DLGAP1: variants seen among roughly 807,000 people sequenced by gnomAD.
The protein encoded by DLGAP1 is DLG associated protein 1.
Under a neutral mutation model 90.8 loss-of-function variants are expected in DLGAP1, and 11 were observed. That is an observed-to-expected ratio of 0.12 (90% CI 0.08 to 0.20). DLGAP1 has a LOEUF of 0.20. DLGAP1 is among the 10% of genes least tolerant of loss of function. The pLI is 1.00. For missense variants in DLGAP1, 1,050 were observed against 1,333.8 expected, an observed-to-expected ratio of 0.79 and a Z score of 3.31; for synonymous variants, 558 against 540.7, an observed-to-expected ratio of 1.03 and a Z score of -0.44.
At chr18:3,965,463 TA>T (rs2073303319) in intron 3 of DLGAP1, among the ~76,000 whole-genome samples, 1 of 152,208 alleles carries the variant, frequency 6.6e-6, no homozygotes, top group South Asian at 2.1e-4. Flanking sequence ...AGAACAGATT[TA>T]AATGTATGAA....
chr18:3,512,056 C>T (rs2050575645), intron 10 of DLGAP1, among the ~76,000 whole-genome samples: 1 of 120,976 alleles, frequency 8.3e-6, no homozygotes, highest in Non-Finnish European at 1.8e-5. Context: ...CTTTCACATT[C>T]TGGTCATGCT....
chr18:4,217,099 C>T (rs1002692345), intron 1 of DLGAP1, among the ~76,000 whole-genome samples: 1 of 152,012 alleles, frequency 6.6e-6, no homozygotes, highest in Non-Finnish European at 1.5e-5. Flanking sequence ...GTATTTTCAC[C>T]TATACCAGAA....
intron 7 of DLGAP1, among the ~76,000 whole-genome samples, chr18:3,670,307 G>T (rs1315344836): frequency 6.8e-6 from 1 of 147,520 alleles, no homozygotes; most frequent in Admixed American, 6.6e-5. Context: ...TGGGAGACTG[G>T]AAACATATAT....
rs2049976830 is a variant in DLGAP1 at position 3,502,222 on chromosome 18, A to ATGGT, written c.2724+267_2724+270dup. 4 of 1,317,834 alleles carry ATGGT rather than the reference A, an allele frequency of 3.0e-6. No individual in the cohort carries two copies. In the South Asian group the frequency reaches 9.2e-5, roughly 30 times the overall value. The allele number at this position is 1,317,834 out of a possible 1,614,324, so 81.6% of individuals were successfully genotyped here. ...GAGGCAGTTCCTTCCAGTGACTAAA[A>ATGGT]TGGTTTAACTTAAAGTTTAATTAAC... On this transcript the variant is annotated intron_variant, in intron 12 of 12. Transcript: ENST00000315677.
intron 5 of DLGAP1, among the ~76,000 whole-genome samples, chr18:3,802,372 AAATG>A (rs1370328955): frequency 1.3e-5 from 2 of 152,232 alleles, no homozygotes; most frequent in African/African-American, 4.8e-5. Context: ...TATTAAAACA[AAATG>A]AATTCTCTGG....
At chr18:3,726,444 GGT>G (rs909027421) in intron 7 of DLGAP1, among the ~76,000 whole-genome samples, 17 of 145,118 alleles carry the variant, frequency 1.2e-4, no homozygotes, top group African/African-American at 3.9e-4. Flanking sequence ...GCGTGTGTGG[GGT>G]GTGTGTGTGA....
intron 5 of DLGAP1, among the ~76,000 whole-genome samples, chr18:3,751,991 C>T (rs1274333986): frequency 6.6e-6 from 1 of 151,234 alleles, no homozygotes; most frequent in African/African-American, 2.4e-5. Context: ...TCAAGTGATT[C>T]TCCTACCTCA....
chr18:3,856,284 G>T (rs1467208545), intron 4 of DLGAP1, among the ~76,000 whole-genome samples: 1 of 152,212 alleles, frequency 6.6e-6, no homozygotes, highest in African/African-American at 2.4e-5. Context: ...GAAAGAGAAT[G>T]AACTCAACGG....
chr18:4,275,913 T>C (rs76644959), intron 1 of DLGAP1, among the ~76,000 whole-genome samples: 14,305 of 152,094 alleles, frequency 0.094, 730 homozygotes, highest in African/African-American at 0.11. Flanking sequence ...AGAAAAGCCT[T>C]TGCTCAAATA....
chr18:3,937,395 G>C (rs2072665636), intron 3 of DLGAP1, among the ~76,000 whole-genome samples: 1 of 152,066 alleles, frequency 6.6e-6, no homozygotes, highest in South Asian at 2.1e-4. Context: ...GCCTGTGCAG[G>C]GGAACTCCCA....
intron 9 of DLGAP1, among the ~76,000 whole-genome samples, chr18:3,536,467 G>A (rs1371263536): frequency 6.6e-6 from 1 of 152,016 alleles, no homozygotes; most frequent in Non-Finnish European, 1.5e-5. Flanking sequence ...CAGGTGATCT[G>A]CCTGCCTCTG....
chr18:3,781,901 G>GGTGT (rs1364796849), intron 5 of DLGAP1, among the ~76,000 whole-genome samples: 1 of 152,074 alleles, frequency 6.6e-6, no homozygotes, highest in East Asian at 1.9e-4. Context: ...TTCTCATCTA[G>GGTGT]GTACAAGGTA....
rs2058698855 is a variant in DLGAP1, at chr18:3,635,908, T to C, written c.1592-53660A>G. Among the ~76,000 whole-genome samples the C allele has an allele frequency of 2.0e-5, 3 of 151,524 alleles. No individual in the cohort carries two copies. In the South Asian group the frequency reaches 6.3e-4, roughly 32 times the overall value. On this transcript the variant is annotated intron_variant, in intron 7 of 12. Transcript: ENST00000315677. ...ACCCTTCCTAATTCACTCTTCGAAA[T>C]GCCTTCTGAGTTGTATTTTGAAGAA...
intron 1 of DLGAP1, among the ~76,000 whole-genome samples, chr18:4,234,649 G>T (rs1001461437): frequency 1.3e-5 from 2 of 152,022 alleles, no homozygotes; most frequent in Non-Finnish European, 2.9e-5. Context: ...ACACTTCTTT[G>T]AATCATATTT....
intron 1 of DLGAP1, among the ~76,000 whole-genome samples, chr18:4,228,061 T>C (rs2078228720): frequency 6.6e-6 from 1 of 151,404 alleles, no homozygotes; most frequent in Non-Finnish European, 1.5e-5. Flanking sequence ...CATTAGAGGC[T>C]ACTATGAGTA....
chr18:4,153,935 G>A (rs2076713431), intron 1 of DLGAP1, among the ~76,000 whole-genome samples: 1 of 152,216 alleles, frequency 6.6e-6, no homozygotes, highest in Non-Finnish European at 1.5e-5. Context: ...AGGTTAAAGA[G>A]TGATGGGTAA....
At chr18:4,374,665 G>C (rs1395430432) in intron 1 of DLGAP1, among the ~76,000 whole-genome samples, 5 of 152,134 alleles carry the variant, frequency 3.3e-5, no homozygotes, top group African/African-American at 1.2e-4. Context: ...TTTTCAGTGT[G>C]TTCACCAGTA....
intron 1 of DLGAP1, among the ~76,000 whole-genome samples, chr18:4,202,733 CA>C (rs2077631483): frequency 6.6e-6 from 1 of 152,096 alleles, no homozygotes; most frequent in Non-Finnish European, 1.5e-5. Context: ...GAATGTTTAA[CA>C]AAATTCATGG....
chr18:4,049,180 T>C (rs1403160834), intron 2 of DLGAP1, among the ~76,000 whole-genome samples: 3 of 145,166 alleles, frequency 2.1e-5, no homozygotes, highest in Non-Finnish European at 1.5e-5. Context: ...TGAGCCAAGA[T>C]CACGCCACTG....
Sources: allele counts gnomAD v4.1 joint callset (sites outside exome capture counted in the v4.1 genomes callset), GRCh38; gene constraint gnomAD v4.1.1; transcripts MANE v1.5; gene names NCBI Gene and HGNC (gene_info 2026-07-23, HGNC 2026-07-21).